The following EXOC6B variants were observed in gnomAD, a reference collection of about 807,000 sequenced individuals.
The protein encoded by EXOC6B is exocyst complex component 6B.
In EXOC6B, 54 loss-of-function variants were observed where a neutral mutation model predicts 113.5. That is an observed-to-expected ratio of 0.48 (90% CI 0.38 to 0.60). The LOEUF (loss-of-function observed/expected upper bound fraction) is 0.60, where lower values mean the gene tolerates loss of function less well. Among genes scored for constraint, EXOC6B ranks in the 20% least tolerant of loss-of-function variants. The pLI is 0.00. For missense variants in EXOC6B, 797 were observed against 977.5 expected (o/e 0.82, Z 2.46); for synonymous variants, 357 against 339.0 (o/e 1.05, Z -0.58).
chr2:72,668,789 C>G (rs1250035807), intron 6 of EXOC6B, among the ~76,000 whole-genome samples: 1 of 152,160 alleles, frequency 6.6e-6, no homozygotes, highest in East Asian at 1.9e-4. Context: ...ATGATAGGGG[C>G]AAGGGCTGAA....
intron 20 of EXOC6B, among the ~76,000 whole-genome samples, chr2:72,290,127 C>T (rs979111978): frequency 6.6e-6 from 1 of 152,178 alleles, no homozygotes; most frequent in Admixed American, 6.5e-5. Flanking sequence ...GTTCTCAGGT[C>T]TTTGAACTTG....
At chr2:72,423,808 C>G (rs640610) in intron 18 of EXOC6B, among the ~76,000 whole-genome samples, 1 of 151,946 alleles carries the variant, frequency 6.6e-6, no homozygotes, top group African/African-American at 2.4e-5. Flanking sequence ...TTTTAAGAAA[C>G]TGTTTATCCG....
At chr2:72,505,005 G>A (rs1007580296) in intron 11 of EXOC6B, among the ~76,000 whole-genome samples, 24 of 151,900 alleles carry the variant, frequency 1.6e-4, no homozygotes, top group Middle Eastern at 3.4e-3. Context: ...AAATTAGTTC[G>A]TGCTGTTATA....
At chr2:72,435,318 A>G (rs996306149) in intron 18 of EXOC6B, among the ~76,000 whole-genome samples, 3 of 152,114 alleles carry the variant, frequency 2.0e-5, no homozygotes, top group African/African-American at 7.2e-5. Context: ...GCAGTGTTTT[A>G]CTTCCAAATG....
chr2:72,517,447 T>C (rs1459009988), intron 8 of EXOC6B, among the ~76,000 whole-genome samples: 1 of 152,024 alleles, frequency 6.6e-6, no homozygotes, highest in Non-Finnish European at 1.5e-5. Context: ...TACACCCGAG[T>C]TTTTCCTTCC....
chr2:72,593,982 T>C (rs1023159021), intron 6 of EXOC6B, among the ~76,000 whole-genome samples: 3 of 151,652 alleles, frequency 2.0e-5, no homozygotes, highest in Admixed American at 2.0e-4. Flanking sequence ...GTTGTTATTG[T>C]TGTTGTTGCT....
chr2:72,188,218 A>G (rs1678575111), intron 20 of EXOC6B, among the ~76,000 whole-genome samples: 2 of 152,202 alleles, frequency 1.3e-5, no homozygotes, highest in Admixed American at 6.5e-5. Context: ...TCCCTGCTGC[A>G]GCCAGCATGA....
intron 20 of EXOC6B, among the ~76,000 whole-genome samples, chr2:72,215,313 G>A (rs1680452524): frequency 6.6e-6 from 1 of 152,122 alleles, no homozygotes; most frequent in Non-Finnish European, 1.5e-5. Context: ...CAAGTTTCAT[G>A]GCATCTCTTT....
At chr2:72,391,881 T>A (rs938476566) in intron 18 of EXOC6B, among the ~76,000 whole-genome samples, 1 of 152,162 alleles carries the variant, frequency 6.6e-6, no homozygotes, top group African/African-American at 2.4e-5. Context: ...ATCTCTTTTA[T>A]CACTCTGTGT....
chr2:72,448,023 G>A (rs1301148891), intron 18 of EXOC6B, among the ~76,000 whole-genome samples: 3 of 151,976 alleles, frequency 2.0e-5, no homozygotes, highest in Non-Finnish European at 4.4e-5. Context: ...GTAACTTCCC[G>A]TATTCATTTA....
intron 19 of EXOC6B, among the ~76,000 whole-genome samples, chr2:72,337,060 C>T (rs1328662666): frequency 6.6e-6 from 1 of 151,302 alleles, no homozygotes; most frequent in African/African-American, 2.4e-5. Flanking sequence ...TTTATGAAGG[C>T]CATGTTAATA....
intron 1 of EXOC6B, among the ~76,000 whole-genome samples, chr2:72,808,822 C>T (rs1203440236): frequency 1.3e-5 from 2 of 151,960 alleles, no homozygotes; most frequent in East Asian, 3.8e-4. Flanking sequence ...CCTGTAATTC[C>T]AACACTTTGG....
chr2:72,634,848 A>G (rs1672713668), intron 6 of EXOC6B, among the ~76,000 whole-genome samples: 1 of 152,178 alleles, frequency 6.6e-6, no homozygotes, highest in Non-Finnish European at 1.5e-5. Context: ...AAGATAGACC[A>G]TATTATGGGC....
chr2:72,213,928 A>G (rs1016939403), intron 20 of EXOC6B, among the ~76,000 whole-genome samples: 12 of 152,072 alleles, frequency 7.9e-5, no homozygotes, highest in Admixed American at 7.2e-4. Context: ...CCAGTTTATG[A>G]TATTTTGTTA....
intron 6 of EXOC6B, among the ~76,000 whole-genome samples, chr2:72,592,243 G>C (rs994525995): frequency 6.6e-6 from 1 of 152,150 alleles, no homozygotes; most frequent in Non-Finnish European, 1.5e-5. Context: ...AATATTTGTA[G>C]CCATTCTTCC....
intron 1 of EXOC6B, among the ~76,000 whole-genome samples, chr2:72,755,496 T>C (rs1682355695): frequency 6.6e-6 from 1 of 152,004 alleles, no homozygotes; most frequent in Admixed American, 6.6e-5. Flanking sequence ...CCCAAAAATG[T>C]TTCAACATTT....
chr2:72,644,695 A>C (rs1673558189), intron 6 of EXOC6B, among the ~76,000 whole-genome samples: 1 of 152,216 alleles, frequency 6.6e-6, no homozygotes, highest in African/African-American at 2.4e-5. Context: ...ACTAAGCTTC[A>C]TAAGTGAAGG....
intron 8 of EXOC6B, among the ~76,000 whole-genome samples, chr2:72,553,768 T>C (rs1703373079): frequency 6.6e-6 from 1 of 152,104 alleles, no homozygotes; most frequent in African/African-American, 2.4e-5. Flanking sequence ...AAAAACACTA[T>C]GCAGGAATTT....
chr2:72,564,045 T>C (rs1026059353), intron 7 of EXOC6B, among the ~76,000 whole-genome samples: 1 of 152,140 alleles, frequency 6.6e-6, no homozygotes, highest in Admixed American at 6.6e-5. Context: ...GGTAAAAATA[T>C]GATAACTCTA....
Sources: allele counts gnomAD v4.1 joint callset (sites outside exome capture counted in the v4.1 genomes callset), GRCh38; gene constraint gnomAD v4.1.1; transcripts MANE v1.5; gene names NCBI Gene and HGNC (gene_info 2026-07-23, HGNC 2026-07-21).